CACNA2D3: variants seen among roughly 807,000 people sequenced by gnomAD.
The protein encoded by CACNA2D3 is calcium voltage-gated channel auxiliary subunit alpha2delta 3.
CACNA2D3 carries 60 observed loss-of-function variants against 160.6 expected under a neutral mutation model. The ratio of observed to expected loss-of-function variants is 0.37; its 90% CI spans 0.30 to 0.46. The LOEUF is 0.46. Among genes scored for constraint, CACNA2D3 ranks in the 20% least tolerant of loss-of-function variants. The pLI, the probability that CACNA2D3 is intolerant of heterozygous loss-of-function variation, is 1.00. For synonymous variants in CACNA2D3, 558 were observed against 492.9 expected (o/e 1.13, Z -1.75); for missense variants, 1,205 against 1,365.0 (o/e 0.88, Z 1.85).
At chr3:54,164,137 G>A (rs1700403818) in intron 2 of CACNA2D3, among the ~76,000 whole-genome samples, 1 of 152,226 alleles carries the variant, frequency 6.6e-6, no homozygotes, top group South Asian at 2.1e-4. Context: ...ACCTGTACCT[G>A]CAAAGACTCT....
chr3:54,231,719 A>G lies in CACNA2D3; in HGVS notation c.205-88723A>G, dbSNP rs556455912. On this transcript the variant is annotated intron_variant, in intron 2 of 37. Transcript: ENST00000474759. ...AATTTTATAAAAATTTGTTGAATGA[A>G]TGAATGTTTTTCACAAGTATTATAA... 2.0e-5 allele frequency among the ~76,000 whole-genome samples: 3 copies of G among 152,364 alleles called. No individual in the cohort carries two copies. In the South Asian group the frequency reaches 6.2e-4, roughly 32 times the overall value.
At chr3:54,739,980 C>T (rs1175627055) in intron 11 of CACNA2D3, among the ~76,000 whole-genome samples, 2 of 152,070 alleles carry the variant, frequency 1.3e-5, no homozygotes, top group Admixed American at 1.3e-4. Context: ...ATTGTGCCTC[C>T]AGCCTGCAGC....
chr3:54,515,805 A>T (rs530633198), intron 5 of CACNA2D3, among the ~76,000 whole-genome samples: 1 of 152,334 alleles, frequency 6.6e-6, no homozygotes, highest in Non-Finnish European at 1.5e-5. Flanking sequence ...AAAATATGTC[A>T]GTGCTTCCAA....
chr3:54,820,624 A>T (rs1703569351), intron 14 of CACNA2D3, among the ~76,000 whole-genome samples: 1 of 152,180 alleles, frequency 6.6e-6, no homozygotes, highest in Non-Finnish European at 1.5e-5. Flanking sequence ...AGCAATACAG[A>T]TGCAGCACTT....
At chr3:54,972,207 T>C (rs1415562295) in intron 29 of CACNA2D3, among the ~76,000 whole-genome samples, 2 of 152,186 alleles carry the variant, frequency 1.3e-5, no homozygotes, top group Non-Finnish European at 2.9e-5. Flanking sequence ...TCAAATGTCA[T>C]TTAAAGGTCC....
chr3:54,927,074 T>G (rs1194846631), intron 27 of CACNA2D3, among the ~76,000 whole-genome samples: 1 of 152,200 alleles, frequency 6.6e-6, no homozygotes, highest in South Asian at 2.1e-4. Context: ...AAACTCAAAA[T>G]AGTTATCTAC....
At position 54,838,839 on chromosome 3, in the gene CACNA2D3, C is replaced by A. The variant is rs569272048; in HGVS notation, c.1551+191C>A. The stretch of plus-strand genomic sequence containing the variant: ...TTTTTTTATTATTTACAATGACTTG[C>A]TGTTTTTCTTATTTACCTCCTCTAA... On this transcript the variant is annotated intron_variant, in intron 16 of 37. Transcript: ENST00000474759. Among the ~76,000 whole-genome samples the A allele has an allele frequency of 2.0e-5, 3 of 152,230 alleles. No individual in the cohort carries two copies. The East Asian group carries it at 5.8e-4, about 29-fold the overall frequency.
At chr3:54,880,675 A>G in intron 20 of CACNA2D3, 121 bp from the exon 21 acceptor site, 1 of 901,060 alleles carries the variant, frequency 1.1e-6, no homozygotes, top group Non-Finnish European at 1.8e-6. Flanking sequence ...AAACAGTTGG[A>G]AAAATTGTTG....
chr3:54,444,233 G>A (rs548801568), intron 4 of CACNA2D3, among the ~76,000 whole-genome samples: 18 of 152,276 alleles, frequency 1.2e-4, no homozygotes, highest in Middle Eastern at 3.4e-3. Flanking sequence ...AGTCTCCCAG[G>A]AATTTAATTT....
At chr3:54,493,222 C>T (rs912256025) in intron 4 of CACNA2D3, among the ~76,000 whole-genome samples, 2 of 151,634 alleles carry the variant, frequency 1.3e-5, no homozygotes, top group African/African-American at 2.4e-5. Context: ...GGACTACAGG[C>T]GCACACTACC....
At chr3:54,204,327 A>G (rs143715614) in intron 2 of CACNA2D3, among the ~76,000 whole-genome samples, 3 of 152,126 alleles carry the variant, frequency 2.0e-5, no homozygotes, top group Non-Finnish European at 2.9e-5. Context: ...GTGTGTGTGT[A>G]TATACCATAT....
chr3:54,555,629 A>G (rs1318997130), intron 5 of CACNA2D3, among the ~76,000 whole-genome samples: 3 of 152,252 alleles, frequency 2.0e-5, no homozygotes, highest in African/African-American at 7.2e-5. Context: ...CTCCCCAAAC[A>G]TCTGCTACTA....
intron 4 of CACNA2D3, among the ~76,000 whole-genome samples, chr3:54,445,172 A>G (rs577244973): frequency 2.0e-5 from 3 of 151,988 alleles, no homozygotes; most frequent in Non-Finnish European, 4.4e-5. Context: ...GGCTGGGACA[A>G]CCCCCCTCTA....
intron 3 of CACNA2D3, among the ~76,000 whole-genome samples, chr3:54,352,362 G>A (rs2107534286): frequency 6.6e-6 from 1 of 152,272 alleles, no homozygotes; most frequent in Middle Eastern, 3.4e-3. Context: ...TGATGGTTGT[G>A]TATTATTACT....
chr3:54,238,069 C>T (rs900247222), intron 2 of CACNA2D3, among the ~76,000 whole-genome samples: 1 of 152,196 alleles, frequency 6.6e-6, no homozygotes, highest in Non-Finnish European at 1.5e-5. Flanking sequence ...GAGGTGCCTA[C>T]TTGAAAAACA....
chr3:54,311,149 A>G (rs7429698), intron 2 of CACNA2D3, among the ~76,000 whole-genome samples: 12,783 of 152,160 alleles, frequency 0.084, 771 homozygotes, highest in South Asian at 0.13. Context: ...GATTCTTTCC[A>G]CTGGGCCCAT....
intron 34 of CACNA2D3, 99 bp downstream of exon 34, chr3:55,009,542 C>G: frequency 6.2e-6 from 7 of 1,135,452 alleles, no homozygotes; most frequent in Non-Finnish European, 9.2e-6. Flanking sequence ...AGAAAATTCC[C>G]CAGGACAAAG....
intron 21 of CACNA2D3, among the ~76,000 whole-genome samples, chr3:54,883,078 T>A (rs1699840420): frequency 6.6e-6 from 1 of 152,106 alleles, no homozygotes; most frequent in African/African-American, 2.4e-5. Flanking sequence ...TGGAGTGCAA[T>A]GGTGTGATCT....
chr3:54,607,763 C>T (rs1372746373), intron 9 of CACNA2D3, among the ~76,000 whole-genome samples: 1 of 152,146 alleles, frequency 6.6e-6, no homozygotes, highest in Admixed American at 6.5e-5. Flanking sequence ...TATGTTTATA[C>T]AAAGACTTGC....
Sources: allele counts gnomAD v4.1 joint callset (sites outside exome capture counted in the v4.1 genomes callset), GRCh38; gene constraint gnomAD v4.1.1; transcripts MANE v1.5; gene names NCBI Gene and HGNC (gene_info 2026-07-23, HGNC 2026-07-21).